SLC30A7: variants seen among roughly 807,000 people sequenced by gnomAD.
The protein encoded by SLC30A7 is zinc transporter 7.
In SLC30A7, 35 loss-of-function variants were observed where a neutral mutation model predicts 46.0. The observed-to-expected ratio is 0.76, with a 90% CI of 0.58 to 1.01. The LOEUF is 1.01. Ranked by LOEUF, SLC30A7 falls within the 50% of genes least tolerant of loss-of-function variation. SLC30A7 has a pLI of 0.00. For synonymous variants in SLC30A7, 147 were observed against 157.8 expected (o/e 0.93, Z 0.51); for missense variants, 464 against 451.1 (o/e 1.03, Z -0.26).
In SLC30A7 at chr1:100,961,809, T is replaced by G; in HGVS notation, c.843-19T>G. ...AGCAGAATGTGACTTTAATAAATTG[T>G]TGTCTTCCTTTTCCTTAGTGTTATT... is the stretch of plus-strand genomic sequence containing the variant. On this transcript the variant is annotated intron_variant, in intron 8 of 10. Transcript: ENST00000357650. 6.8e-7 allele frequency: 1 copy of G among 1,475,656 alleles called. No homozygotes were observed. Among genetic ancestry groups the G allele is most frequent in the Non-Finnish European group, 9.4e-7 (1 of 1,064,970 alleles). 91.4% of individuals were successfully genotyped at this position (1,475,656 alleles called of 1,614,324 possible).
chr1:100,913,141 T>A (rs192553928), intron 5 of SLC30A7, among the ~76,000 whole-genome samples: 38 of 152,348 alleles, frequency 2.5e-4, no homozygotes, highest in Admixed American at 1.2e-3. Context: ...TGCATTTAGC[T>A]TTTTCTACCT....
At position 100,977,666 on chromosome 1, in the gene SLC30A7, T is replaced by C. The variant is rs927814889; in HGVS notation, c.*2809T>C. 1.8e-4 allele frequency: 27 copies of C among 152,222 alleles called. No individual in the cohort carries two copies. The highest frequency in any genetic ancestry group is 1.6e-3 in the Admixed American group (24 of 15,290). The allele number at this position is 152,222 out of a possible 1,614,324, so 9.4% of individuals were successfully genotyped here. On this transcript the variant is annotated 3_prime_UTR_variant, in exon 11 of 11. Transcript: ENST00000357650. ...CAAAATATTCTCTGGACAACAAATT[T>C]GTATTGCTCAGGGACAGTTTACCTT...
chr1:100,898,369 C>G (rs1005932672), intron 2 of SLC30A7, among the ~76,000 whole-genome samples: 1 of 152,136 alleles, frequency 6.6e-6, no homozygotes, highest in Non-Finnish European at 1.5e-5. Flanking sequence ...TTTTTTAAGT[C>G]AGTATGCATC....
At chr1:100,921,950 CTTTTTTTTTTTT>C (rs11166531) in intron 8 of SLC30A7, 109 bp downstream of exon 8, 3 of 398,196 alleles carry the variant, frequency 7.5e-6, no homozygotes, top group East Asian at 7.8e-5. Context: ...CCTTTGCTTG[CTTTTTTTTTTTT>C]TTTTTTTTTG....
chr1:100,926,963 T>C (rs543142862), intron 8 of SLC30A7, among the ~76,000 whole-genome samples: 1 of 152,230 alleles, frequency 6.6e-6, no homozygotes, highest in African/African-American at 2.4e-5. Context: ...GAGAGGAATA[T>C]GGGACTGTTC....
intron 8 of SLC30A7, among the ~76,000 whole-genome samples, chr1:100,957,832 A>G (rs957467787): frequency 5.3e-5 from 8 of 152,358 alleles, no homozygotes; most frequent in African/African-American, 1.9e-4. Context: ...TAAGTTTAAT[A>G]TATGAAAACA....
chr1:100,936,568 C>G (rs1322573248), intron 8 of SLC30A7, among the ~76,000 whole-genome samples: 1 of 152,130 alleles, frequency 6.6e-6, no homozygotes, highest in East Asian at 1.9e-4. Context: ...CTAATGTCTA[C>G]CTTTTCAAAA....
chr1:100,932,293 T>A (rs1026726596), intron 8 of SLC30A7, among the ~76,000 whole-genome samples: 5 of 152,218 alleles, frequency 3.3e-5, no homozygotes, highest in African/African-American at 9.6e-5. Context: ...CACACATCTG[T>A]AATCCCAGCT....
At chr1:100,907,105 C>T (rs368979384) in intron 3 of SLC30A7, 140 bp downstream of exon 3, 28 of 557,876 alleles carry the variant, frequency 5.0e-5, no homozygotes, top group African/African-American at 1.5e-4. Flanking sequence ...CAGGCCTCTT[C>T]GAGTTCCTAC....
chr1:100,934,359 A>C (rs560677662), intron 8 of SLC30A7, among the ~76,000 whole-genome samples: 2 of 152,312 alleles, frequency 1.3e-5, no homozygotes, highest in South Asian at 4.1e-4. Context: ...TCAGGACCTG[A>C]GAACAGAGAT....
At chr1:100,920,081 A>G (rs1326477194) in intron 7 of SLC30A7, among the ~76,000 whole-genome samples, 1 of 152,122 alleles carries the variant, frequency 6.6e-6, no homozygotes, top group Non-Finnish European at 1.5e-5. Context: ...TAATAAAACC[A>G]GTTTTCAGGT....
chr1:100,958,998 TA>T (rs1157026647), intron 8 of SLC30A7, among the ~76,000 whole-genome samples: 1 of 152,204 alleles, frequency 6.6e-6, no homozygotes, highest in Non-Finnish European at 1.5e-5. Context: ...AGAAGGAGTG[TA>T]AGACTATAGG....
At chr1:100,898,144 CAA>C (rs1185264329) in intron 2 of SLC30A7, among the ~76,000 whole-genome samples, 1 of 152,048 alleles carries the variant, frequency 6.6e-6, no homozygotes, top group African/African-American at 2.4e-5. Flanking sequence ...TATTTTGTAT[CAA>C]GAGTGTATCA....
the SLC30A7 span, among the ~76,000 whole-genome samples, chr1:100,988,001 A>G: frequency 6.6e-6 from 1 of 152,136 alleles, no homozygotes; most frequent in African/African-American, 2.4e-5. Flanking sequence ...TGTGTCTTCT[A>G]TTGCAATAGA....
At chr1:100,916,402 G>T (rs1030465112) in intron 6 of SLC30A7, among the ~76,000 whole-genome samples, 1 of 152,174 alleles carries the variant, frequency 6.6e-6, no homozygotes, top group East Asian at 1.9e-4. Flanking sequence ...AGCCAGGATG[G>T]TCTCAATCTC....
rs1656484087 is a variant in SLC30A7, at chr1:100,976,130, A to G, written c.*1273A>G. The G allele has an allele frequency of 6.6e-6, 1 of 152,248 alleles. No individual in the cohort carries two copies. Among genetic ancestry groups the G allele is most frequent in the South Asian group, 2.1e-4 (1 of 4,832 alleles). The allele number at this position is 152,248 out of a possible 1,614,324, so 9.4% of individuals were successfully genotyped here. A position where few individuals can be genotyped will look rare whatever the true frequency, so the allele number is the denominator to read the frequency against. Reference sequence around the variant, plus strand: ...GACTTAAAACATCTGCTGAATTCCAAATTTCTGTAATAGCTACTGTATCTG... The same window carrying G: ...GACTTAAAACATCTGCTGAATTCCAGATTTCTGTAATAGCTACTGTATCTG... On this transcript the variant is annotated 3_prime_UTR_variant, in exon 11 of 11. Coordinates refer to ENST00000357650, the MANE Select transcript of SLC30A7 (RefSeq NM_133496.5).
intron 8 of SLC30A7, among the ~76,000 whole-genome samples, chr1:100,957,824 A>G (rs1655310009): frequency 6.6e-6 from 1 of 152,216 alleles, no homozygotes; most frequent in Admixed American, 6.5e-5. Context: ...AAAAATTTTA[A>G]GTTTAATATA....
chr1:100,927,898 A>T (rs1266651144), intron 8 of SLC30A7, among the ~76,000 whole-genome samples: 1 of 151,466 alleles, frequency 6.6e-6, no homozygotes, highest in Non-Finnish European at 1.5e-5. Flanking sequence ...AGAAGTATTA[A>T]GAATGGAGGT....
intron 8 of SLC30A7, among the ~76,000 whole-genome samples, chr1:100,940,818 G>A (rs1654296844): frequency 6.6e-6 from 1 of 152,132 alleles, no homozygotes; most frequent in South Asian, 2.1e-4. Context: ...GTTATTAATT[G>A]TTACATAATT....
Sources: allele counts gnomAD v4.1 joint callset (sites outside exome capture counted in the v4.1 genomes callset), GRCh38; gene constraint gnomAD v4.1.1; transcripts MANE v1.5; gene names NCBI Gene and HGNC (gene_info 2026-07-23, HGNC 2026-07-21).